The following GPNMB variants were observed in gnomAD, a reference collection of about 807,000 sequenced individuals.
GPNMB encodes the protein glycoprotein nmb, also known as transmembrane glycoprotein NMB.
GPNMB carries 71 observed loss-of-function variants against 57.3 expected under a neutral mutation model. That is an observed-to-expected ratio of 1.24 (90% confidence interval 1.02 to 1.51). The LOEUF (loss-of-function observed/expected upper bound fraction) is 1.51, where lower values mean the gene tolerates loss of function less well. Ranked by LOEUF, GPNMB falls within the 40% of genes most tolerant of loss-of-function variation. The pLI is 0.00. For missense variants in GPNMB, 677 were observed against 691.9 expected (o/e 0.98, Z 0.24); for synonymous variants, 253 against 263.2 (o/e 0.96, Z 0.38).
intron 9 of GPNMB, among the ~76,000 whole-genome samples, chr7:23,271,926 G>C (rs1783217316): frequency 6.6e-6 from 1 of 152,104 alleles, no homozygotes; most frequent in Admixed American, 6.5e-5. Flanking sequence ...CTAATTATTT[G>C]CGTGAGGGCT....
chr7:23,249,995 G>A (rs1199029670), intron 1 of GPNMB, among the ~76,000 whole-genome samples: 1 of 152,098 alleles, frequency 6.6e-6, no homozygotes, highest in Non-Finnish European at 1.5e-5. Context: ...TTACTGATAG[G>A]GATATAGTGA....
Position 23,274,166 on chromosome 7 carries a change from C to T in GPNMB, c.1625C>T (p.Pro542Leu), listed in dbSNP as rs370664623. The T allele has an allele frequency of 9.5e-5, 154 of 1,613,708 alleles. No individual in the cohort carries two copies. The highest frequency in any genetic ancestry group is 5.3e-4 in the South Asian group (48 of 91,060). The change falls in exon 11 of 11, where the codon CCG (proline) becomes CTG (leucine). Residue 542 changes from proline (P) to leucine (L), a missense_variant. Physicochemically the swap from Pro to Leu is moderately conservative, Grantham distance 98 (BLOSUM62 -3). Transcript: ENST00000258733. The stretch of plus-strand genomic sequence containing the variant: ...AACCGTGCAAAAGCCGTGTTCTTCC[C>T]GGGAAACCAGGAAAAGGATCCGCTA... ...FLNRAKAVFF[P>L]GNQEKDPLLK...
chr7:23,254,501 C>T lies in GPNMB; in HGVS notation c.367+189C>T, dbSNP rs111814485. On this transcript the variant is annotated intron_variant, in intron 3 of 10. Coordinates refer to ENST00000258733, the MANE Select transcript of GPNMB (RefSeq NM_002510.3). Reference sequence around the variant, plus strand: ...TCAACATCAACGTCAGCCAGACCTACTGCAGCAAACCAGTGGCTCTCCCTT... The same window carrying T: ...TCAACATCAACGTCAGCCAGACCTATTGCAGCAAACCAGTGGCTCTCCCTT... Among the ~76,000 whole-genome samples, 840 of 152,340 alleles carry T rather than the reference C, an allele frequency of 5.5e-3. 8 individuals carry two copies. Among genetic ancestry groups the T allele is most frequent in the African/African-American group, 0.019 (788 of 41,566 alleles).
rs116613914 is a variant in GPNMB, at chr7:23,260,129, G to T, written c.691G>T (p.Val231Leu). The T allele has an allele frequency of 1.7e-4, 279 of 1,613,912 alleles. No homozygotes were observed. In the African/African-American group the frequency reaches 3.4e-3, roughly 20 times the overall value. The part of the protein sequence containing the change: ...VPIAQVKDVY[V>L]VTDQIPVFVT... ...CATCGCACAAGTGAAAGATGTGTAC[G>T]TGGTAACAGGTGAGTGGTGTGAACT... Residue 231 changes from valine (V) to leucine (L), a missense_variant, in exon 5 of 11, where the codon GTG (valine) becomes TTG (leucine). By Grantham distance (32) the Val-to-Leu change is conservative. Transcript: ENST00000258733.
chr7:23,271,415 C>T (rs1483100012), intron 9 of GPNMB, among the ~76,000 whole-genome samples: 1 of 152,206 alleles, frequency 6.6e-6, no homozygotes, highest in African/African-American at 2.4e-5. Context: ...ACTTATAACT[C>T]CTTTGAACTT....
chr7:23,254,937 G>A (rs536809409), intron 3 of GPNMB, among the ~76,000 whole-genome samples: 5 of 152,244 alleles, frequency 3.3e-5, no homozygotes, highest in African/African-American at 7.2e-5. Context: ...TTGAGAGGCC[G>A]AGGCAGGTGT....
chr7:23,264,364 T>TTTTATA (rs1184780521), intron 6 of GPNMB, among the ~76,000 whole-genome samples: 1 of 151,862 alleles, frequency 6.6e-6, no homozygotes, highest in Admixed American at 6.6e-5. Context: ...CCATATGCTT[T>TTTTATA]TTTATTTTTA....
chr7:23,256,058 A>C (rs1782770227), intron 3 of GPNMB, among the ~76,000 whole-genome samples: 1 of 152,114 alleles, frequency 6.6e-6, no homozygotes, highest in Non-Finnish European at 1.5e-5. Flanking sequence ...AGGCGCATGC[A>C]GCATGACTGG....
At chr7:23,272,846 C>CTTT (rs34346503) in intron 9 of GPNMB, among the ~76,000 whole-genome samples, 1 of 139,632 alleles carries the variant, frequency 7.2e-6, no homozygotes, top group Non-Finnish European at 1.5e-5. Context: ...AGGTGGTGAT[C>CTTT]TTTTTTTTTT....
In GPNMB at chr7:23,266,521, T is replaced by A. The variant is rs1270479236; in HGVS notation, c.1023T>A (p.Pro341=). 6.2e-7 allele frequency: 1 copy of A among 1,613,348 alleles called. No homozygotes were observed. Among genetic ancestry groups the A allele is most frequent in the Non-Finnish European group, 8.5e-7 (1 of 1,179,270 alleles). The change falls in exon 7 of 11, where the codon CCT becomes CCA. Residue 341 remains proline, a synonymous_variant. Transcript: ENST00000258733. ...RPSKPTPSLG[P]AGDNPLELSR... ...CTTATGATTCAAACACCCCAGGACC[T>A]GCTGGTGACAACCCCCTGGAGCTGA...
chr7:23,263,612 C>CA (rs750640697), intron 6 of GPNMB, among the ~76,000 whole-genome samples: 1,843 of 62,784 alleles, frequency 0.029, 20 homozygotes, highest in Middle Eastern at 0.11. Context: ...AACTCTGTCT[C>CA]AAAAAAAAAA....
chr7:23,273,616 T>G lies in GPNMB; in HGVS notation c.1523+2T>G, dbSNP rs780357717. On this transcript the variant is annotated splice_donor_variant, in intron 10 of 10. Coordinates refer to ENST00000258733, the MANE Select transcript of GPNMB (RefSeq NM_002510.3). LOFTEE classifies it high-confidence loss of function. ...TGTGATCTCCCTCTTGGTGTACAAG[T>G]AAGTTTTTGGTTCCTACGCTTTATA... 6.3e-7 allele frequency: 1 copy of G among 1,592,558 alleles called. No individual in the cohort carries two copies. The highest frequency in any genetic ancestry group is 2.2e-5 in the East Asian group (1 of 44,746).
chr7:23,264,573 C>T (rs1783013717), intron 6 of GPNMB, among the ~76,000 whole-genome samples: 1 of 151,948 alleles, frequency 6.6e-6, no homozygotes, highest in Non-Finnish European at 1.5e-5. Context: ...GACTAGGTTC[C>T]ACCATGTTGC....
At chr7:23,250,747 T>C (rs1393575639) in intron 1 of GPNMB, 1 of 152,110 alleles carries the variant, frequency 6.6e-6, no homozygotes, top group Non-Finnish European at 1.5e-5. Context: ...CTGGAAACAA[T>C]AACTTTCTTT....
intron 3 of GPNMB, among the ~76,000 whole-genome samples, chr7:23,256,339 T>C (rs1003947593): frequency 4.6e-5 from 7 of 152,240 alleles, no homozygotes; most frequent in African/African-American, 1.7e-4. Context: ...GATATAAGGA[T>C]AGCTATATAT....
chr7:23,273,254 A>G, intron 9 of GPNMB: 1 of 341,268 alleles, frequency 2.9e-6, no homozygotes, highest in East Asian at 5.5e-5. Context: ...CTGCTGGGTC[A>G]CCCAAGACCT....
At chr7:23,268,117 C>T (rs564253591) in intron 8 of GPNMB, 129 bp downstream of exon 8, 7 of 648,224 alleles carry the variant, frequency 1.1e-5, no homozygotes, top group African/African-American at 7.2e-5. Flanking sequence ...TTCCTATTTA[C>T]TGGTAACCCT....
intron 9 of GPNMB, among the ~76,000 whole-genome samples, chr7:23,271,295 G>A (rs546419509): frequency 6.6e-6 from 1 of 152,300 alleles, no homozygotes; most frequent in East Asian, 1.9e-4. Flanking sequence ...AACAGACTGA[G>A]GACCCGTACC....
At chr7:23,253,673 T>C (rs1782710900) in intron 2 of GPNMB, among the ~76,000 whole-genome samples, 1 of 152,182 alleles carries the variant, frequency 6.6e-6, no homozygotes, top group Non-Finnish European at 1.5e-5. Context: ...AATTTCCACA[T>C]TGGTAGCTCT....
Sources: gnomAD v4.1 joint callset for allele counts (sites outside exome capture counted in the v4.1 genomes callset) on GRCh38, gnomAD v4.1.1 for gene constraint, MANE v1.5 for transcripts, NCBI Gene and HGNC (gene_info 2026-07-23, HGNC 2026-07-21) for gene names.